The following ERCC6 variants were observed in gnomAD, a reference collection of about 807,000 sequenced individuals.
ERCC6 encodes the protein DNA excision repair protein ERCC-6.
Under a neutral mutation model 158.7 loss-of-function variants are expected in ERCC6, and 116 were observed. The ratio of observed to expected loss-of-function variants is 0.73; its 90% CI spans 0.63 to 0.85. The LOEUF is 0.85. ERCC6 is among the 40% of genes least tolerant of loss of function. ERCC6 has a pLI of 0.00. For synonymous variants in ERCC6, 678 were observed against 659.3 expected (o/e 1.03, Z -0.43); for missense variants, 1,698 against 1,799.4 (o/e 0.94, Z 1.02).
At chr10:49,442,717 C>T in the ERCC6 span, among the ~76,000 whole-genome samples, 1 of 152,176 alleles carries the variant, frequency 6.6e-6, no homozygotes, top group Non-Finnish European at 1.5e-5. Flanking sequence ...ACCAGGAAGG[C>T]CATAGGACTA....
the ERCC6 span, among the ~76,000 whole-genome samples, chr10:49,437,134 G>A: frequency 6.6e-6 from 1 of 152,074 alleles, no homozygotes; most frequent in Non-Finnish European, 1.5e-5. Flanking sequence ...AATGCCTTTT[G>A]CTTGGTTCTC....
chr10:49,465,001 C>T (rs1331393157), intron 18 of ERCC6, among the ~76,000 whole-genome samples: 1 of 152,180 alleles, frequency 6.6e-6, no homozygotes, highest in African/African-American at 2.4e-5. Context: ...GAGAAGAGGG[C>T]CACGGTCCTC....
chr10:49,459,164 T>C lies in ERCC6; in HGVS notation c.4133A>G (p.Asp1378Gly). The C allele has an allele frequency of 6.2e-7, 1 of 1,614,124 alleles. No individual in the cohort carries two copies. The highest frequency in any genetic ancestry group is 8.5e-7 in the Non-Finnish European group (1 of 1,180,026). ...EHFSGRAEDA[D>G]SSSGPLASSS... ...GGAAGCGAGGGGCCCGGATGAAGAG[T>C]CTGCATCTTCTGCTCTTCCACTAAA... Residue 1378 changes from aspartate to glycine, a missense_variant, in exon 21 of 21, where the codon GAC (aspartate) becomes GGC (glycine). Physicochemically the swap from Asp to Gly is moderately conservative, Grantham distance 94. Transcript: ENST00000355832.
intron 20 of ERCC6, 135 bp from the exon 21 acceptor site, chr10:49,459,369 T>TC (rs1045625654): frequency 3.5e-6 from 3 of 856,308 alleles, no homozygotes; most frequent in Admixed American, 2.1e-5. Flanking sequence ...AGACTGAGAC[T>TC]CCACCTAATG....
At chr10:49,441,020 C>T in the ERCC6 span, among the ~76,000 whole-genome samples, 4 of 152,150 alleles carry the variant, frequency 2.6e-5, no homozygotes, top group Admixed American at 1.3e-4. Flanking sequence ...AGGCAGTGTT[C>T]CTCACTAATA....
At chr10:49,511,224 T>A (rs1836809144) in intron 5 of ERCC6, among the ~76,000 whole-genome samples, 1 of 152,142 alleles carries the variant, frequency 6.6e-6, no homozygotes, top group South Asian at 2.1e-4. Flanking sequence ...CAGGACCAGG[T>A]GGGAAAGGCT....
chr10:49,510,459 C>A (rs1851514252), intron 5 of ERCC6, among the ~76,000 whole-genome samples: 1 of 152,086 alleles, frequency 6.6e-6, no homozygotes, highest in Non-Finnish European at 1.5e-5. Flanking sequence ...CTCACTCATG[C>A]AGCACCACCA....
In ERCC6 at chr10:49,455,462, G is replaced by A. The variant is rs1850469655; in HGVS notation, c.*3353C>T. 6.6e-6 allele frequency: 1 copy of A among 152,202 alleles called. No individual in the cohort carries two copies. Among genetic ancestry groups the A allele is most frequent in the Non-Finnish European group, 1.5e-5 (1 of 68,040 alleles). The allele number at this position is 152,202 out of a possible 1,614,324, so 9.4% of individuals were successfully genotyped here. A position where few individuals can be genotyped will look rare whatever the true frequency, so the allele number is the denominator to read the frequency against. On this transcript the variant is annotated 3_prime_UTR_variant, in exon 21 of 21. Transcript: ENST00000355832. ...AAGTATAAGACACTGAAGAGGGGGA[G>A]AAAGGAAAAGGAACTTGCCCATGAA...
At chr10:49,526,740 T>C (rs1187892080) in intron 4 of ERCC6, among the ~76,000 whole-genome samples, 1 of 152,218 alleles carries the variant, frequency 6.6e-6, no homozygotes, top group African/African-American at 2.4e-5. Context: ...AGAGGGATAC[T>C]TTCTGGGTGA....
chr10:49,490,714 C>A (rs1345275338), intron 8 of ERCC6, among the ~76,000 whole-genome samples: 1 of 152,192 alleles, frequency 6.6e-6, no homozygotes, highest in Non-Finnish European at 1.5e-5. Flanking sequence ...AGATAATCTA[C>A]TTGAACGATA....
At chr10:49,490,197 A>T (rs577909433) in intron 8 of ERCC6, among the ~76,000 whole-genome samples, 19 of 152,160 alleles carry the variant, frequency 1.2e-4, no homozygotes, top group Non-Finnish European at 2.6e-4. Context: ...ACATTTGACA[A>T]TTCTAAATTA....
Position 49,459,175 on chromosome 10 carries a change from T to C in ERCC6, c.4122A>G (p.Ala1374=). The change falls in exon 21 of 21, where the codon GCA becomes GCG. Residue 1374 remains alanine, a synonymous_variant. Coordinates refer to ENST00000355832, the MANE Select transcript of ERCC6 (RefSeq NM_000124.4). The part of the protein sequence containing the change: ...DNVPEHFSGR[A]EDADSSSGPL... ...GCCCGGATGAAGAGTCTGCATCTTCTGCTCTTCCACTAAAATGCTCAGGGA... is the reference window on the plus strand; with the variant it reads ...GCCCGGATGAAGAGTCTGCATCTTCCGCTCTTCCACTAAAATGCTCAGGGA... The C allele has an allele frequency of 6.2e-7, 1 of 1,614,240 alleles. No homozygotes were observed. Among genetic ancestry groups the C allele is most frequent in the African/African-American group, 1.3e-5 (1 of 75,064 alleles).
rs113475819 is a variant in ERCC6 at position 49,476,562 on chromosome 10, C to T, written c.2287-252G>A. 2.4e-3 allele frequency among the ~76,000 whole-genome samples: 361 copies of T among 152,230 alleles called. 3 individuals carry two copies. Among genetic ancestry groups the T allele is most frequent in the African/African-American group, 8.4e-3 (347 of 41,526 alleles). The stretch of plus-strand genomic sequence containing the variant: ...TCCCCAAAGACTGGCTTCCTGCTCA[C>T]GGGCAAGTTCAGTGCCCAGGTGCAC... On this transcript the variant is annotated intron_variant, in intron 11 of 20. Transcript: ENST00000355832.
rs112249028 is a variant in ERCC6, at chr10:49,454,745, A to G, written c.*4070T>C. Among the ~76,000 whole-genome samples, 189 of 152,346 alleles carry G rather than the reference A, an allele frequency of 1.2e-3. 3 individuals are homozygous for G. Among genetic ancestry groups the G allele is most frequent in the Middle Eastern group, 3.4e-3 (1 of 294 alleles). ...CTATACAATTATATCAATATATACCAGAAAAGACTTTGAGGACAATCATTC... is the reference window on the plus strand; with the variant it reads ...CTATACAATTATATCAATATATACCGGAAAAGACTTTGAGGACAATCATTC... On this transcript the variant is annotated 3_prime_UTR_variant, in exon 21 of 21. Coordinates refer to ENST00000355832, the MANE Select transcript of ERCC6 (RefSeq NM_000124.4).
At chr10:49,460,148 G>T (rs1850551554) in intron 20 of ERCC6, 1 of 594,096 alleles carries the variant, frequency 1.7e-6, no homozygotes, top group Non-Finnish European at 3.0e-6. Context: ...TGGCAAAACA[G>T]AAATGCTGCT....
intron 1 of ERCC6, among the ~76,000 whole-genome samples, chr10:49,537,656 C>T (rs943508540): frequency 6.6e-6 from 1 of 151,930 alleles, no homozygotes; most frequent in Non-Finnish European, 1.5e-5. Context: ...GATAAAGTGA[C>T]ATCTGATAAG....
the ERCC6 span, among the ~76,000 whole-genome samples, chr10:49,447,696 T>C: frequency 1.0e-5 from 1 of 98,178 alleles, no homozygotes; most frequent in South Asian, 3.2e-4. Context: ...AGAGCAAGAC[T>C]GTCTCAAAAA....
intron 7 of ERCC6, among the ~76,000 whole-genome samples, chr10:49,494,042 A>G (rs1001098812): frequency 6.6e-6 from 1 of 152,226 alleles, no homozygotes; most frequent in Non-Finnish European, 1.5e-5. Flanking sequence ...TACACACTGG[A>G]GCATTCTTTA....
At chr10:49,478,240 A>T in intron 11 of ERCC6, 114 bp downstream of exon 11, 1 of 859,600 alleles carries the variant, frequency 1.2e-6, no homozygotes, top group Non-Finnish European at 2.0e-6. Context: ...TAGCCTGCCC[A>T]CAGTTCCAGG....
Sources: allele counts gnomAD v4.1 joint callset (sites outside exome capture counted in the v4.1 genomes callset), GRCh38; gene constraint gnomAD v4.1.1; transcripts MANE v1.5; gene names NCBI Gene and HGNC (gene_info 2026-07-23, HGNC 2026-07-21).